Variants in ITGB3BP observed in about 807,000 individuals in gnomAD.
ITGB3BP encodes the protein integrin subunit beta 3 binding protein.
In ITGB3BP, 27 loss-of-function variants were observed where a neutral mutation model predicts 29.1. The ratio of observed to expected loss-of-function variants is 0.93; its 90% CI spans 0.68 to 1.28. ITGB3BP has a LOEUF of 1.28. Ranked by LOEUF, ITGB3BP falls within the 50% of genes most tolerant of loss-of-function variation. The pLI is 0.00. For synonymous variants in ITGB3BP, 61 were observed against 61.4 expected (o/e 0.99, Z 0.03); for missense variants, 192 against 200.2 (o/e 0.96, Z 0.25).
chr1:63,444,390 C>T (rs569536617), intron 8 of ITGB3BP, among the ~76,000 whole-genome samples: 1 of 149,350 alleles, frequency 6.7e-6, no homozygotes, highest in South Asian at 2.1e-4. Context: ...AAATGGTAAC[C>T]TTATAATGAA....
rs116573775 is a variant in ITGB3BP at position 63,516,201 on chromosome 1, T to C, written c.5+6928A>G. On this transcript the variant is annotated intron_variant, in intron 1 of 8. Coordinates refer to ENST00000271002, the MANE Select transcript of ITGB3BP (RefSeq NM_014288.5). Reference sequence around the variant, plus strand: ...ACTTTGGGAGGCTGAGCTGAGCAGATTGCTTGAGTCCAGAGTGAGCCTGGG... The same window carrying C: ...ACTTTGGGAGGCTGAGCTGAGCAGACTGCTTGAGTCCAGAGTGAGCCTGGG... 9.7e-3 allele frequency among the ~76,000 whole-genome samples: 1,443 copies of C among 148,644 alleles called. 22 individuals carry two copies. The highest frequency in any genetic ancestry group is 0.033 in the African/African-American group (1,330 of 40,286).
At chr1:63,441,749 C>A (rs186993729) in intron 8 of ITGB3BP, among the ~76,000 whole-genome samples, 1 of 152,136 alleles carries the variant, frequency 6.6e-6, no homozygotes, top group Non-Finnish European at 1.5e-5. Context: ...AGCTGCCCCC[C>A]GCCCAAAAGA....
intron 4 of ITGB3BP, among the ~76,000 whole-genome samples, chr1:63,462,677 C>T (rs1369840614): frequency 6.6e-6 from 1 of 152,178 alleles, no homozygotes; most frequent in Non-Finnish European, 1.5e-5. Context: ...GGAATATAGG[C>T]TTATATCTTC....
intron 4 of ITGB3BP, among the ~76,000 whole-genome samples, chr1:63,462,239 T>G (rs2100541616): frequency 6.6e-6 from 1 of 152,354 alleles, no homozygotes; most frequent in South Asian, 2.1e-4. Context: ...TTTCAGATGC[T>G]ACTGCAATGG....
chr1:63,476,728 T>A (rs753587317), intron 4 of ITGB3BP, among the ~76,000 whole-genome samples: 1 of 152,216 alleles, frequency 6.6e-6, no homozygotes, highest in Non-Finnish European at 1.5e-5. Flanking sequence ...CCAACAACAT[T>A]TCCTCCTTTG....
intron 3 of ITGB3BP, 21 bp downstream of exon 3, chr1:63,490,062 A>G (rs767492285): frequency 3.1e-6 from 5 of 1,601,240 alleles, no homozygotes. Flanking sequence ...TACAATAAGT[A>G]GAAAAGAATG....
chr1:63,475,838 A>G (rs1448183235), intron 4 of ITGB3BP, among the ~76,000 whole-genome samples: 2 of 151,890 alleles, frequency 1.3e-5, no homozygotes, highest in Non-Finnish European at 2.9e-5. Flanking sequence ...TCTCTACTAA[A>G]AATACAAAAA....
At chr1:63,467,357 TTTC>T (rs1645115231) in intron 4 of ITGB3BP, among the ~76,000 whole-genome samples, 2 of 151,920 alleles carry the variant, frequency 1.3e-5, no homozygotes, top group Admixed American at 1.3e-4. Flanking sequence ...GGGTTTTTTT[TTTC>T]TTTTTTTGAG....
At chr1:63,493,054 T>C (rs1645690072) in intron 2 of ITGB3BP, among the ~76,000 whole-genome samples, 1 of 145,916 alleles carries the variant, frequency 6.9e-6, no homozygotes, top group South Asian at 2.3e-4. Flanking sequence ...GAGGCTGTAG[T>C]GAGCTGTGGA....
chr1:63,473,483 GC>G (rs765423531), intron 4 of ITGB3BP, among the ~76,000 whole-genome samples: 13,864 of 134,052 alleles, frequency 0.1, 678 homozygotes, highest in Middle Eastern at 0.16. Context: ...GGGGGGGTCA[GC>G]CCCCCGCCCG....
At chr1:63,497,414 G>A (rs11808065) in intron 2 of ITGB3BP, among the ~76,000 whole-genome samples, 3,254 of 152,280 alleles carry the variant, frequency 0.021, 123 homozygotes, top group African/African-American at 0.074. Context: ...CCACTGTCCT[G>A]CATTGTTGCA....
intron 4 of ITGB3BP, among the ~76,000 whole-genome samples, chr1:63,476,207 A>G (rs983019374): frequency 2.6e-5 from 4 of 151,222 alleles, no homozygotes; most frequent in Non-Finnish European, 5.9e-5. Context: ...TCTGTCACCC[A>G]GGCTGTAGTA....
intron 1 of ITGB3BP, among the ~76,000 whole-genome samples, chr1:63,510,949 G>T (rs1276472418): frequency 6.6e-6 from 1 of 152,014 alleles, no homozygotes; most frequent in African/African-American, 2.4e-5. Flanking sequence ...GGAAGAATAG[G>T]TAAAATTTGA....
intron 2 of ITGB3BP, among the ~76,000 whole-genome samples, chr1:63,503,042 G>T (rs897611130): frequency 6.6e-6 from 1 of 152,142 alleles, no homozygotes; most frequent in African/African-American, 2.4e-5. Context: ...TAATGGGATT[G>T]CTGGGTCAAA....
At chr1:63,465,414 C>T (rs914223035) in intron 4 of ITGB3BP, among the ~76,000 whole-genome samples, 8 of 151,632 alleles carry the variant, frequency 5.3e-5, no homozygotes, top group Middle Eastern at 6.8e-3. Context: ...ATATTTTACC[C>T]GTGGGATTTT....
intron 4 of ITGB3BP, among the ~76,000 whole-genome samples, chr1:63,473,249 G>C (rs1041592333): frequency 6.7e-6 from 1 of 148,780 alleles, no homozygotes; most frequent in Admixed American, 6.6e-5. Context: ...CAACCGCCCC[G>C]TCTGAGAAGT....
chr1:63,507,448 A>C (rs1646105795), intron 2 of ITGB3BP, among the ~76,000 whole-genome samples: 2 of 152,236 alleles, frequency 1.3e-5, no homozygotes, highest in South Asian at 4.1e-4. Flanking sequence ...TTTTCCATTT[A>C]AACAATGTTA....
intron 1 of ITGB3BP, among the ~76,000 whole-genome samples, chr1:63,517,531 T>C (rs2075030664): frequency 1.3e-5 from 2 of 152,154 alleles, no homozygotes; most frequent in African/African-American, 4.8e-5. Flanking sequence ...TTTTATGTAA[T>C]TATAAATGAA....
intron 2 of ITGB3BP, among the ~76,000 whole-genome samples, chr1:63,495,334 C>A (rs1570263313): frequency 6.6e-6 from 1 of 151,848 alleles, no homozygotes; most frequent in Non-Finnish European, 1.5e-5. Flanking sequence ...AAAATATGAA[C>A]CAAAAACAGT....
Sources: allele counts gnomAD v4.1 joint callset (sites outside exome capture counted in the v4.1 genomes callset), GRCh38; gene constraint gnomAD v4.1.1; transcripts MANE v1.5; gene names NCBI Gene and HGNC (gene_info 2026-07-23, HGNC 2026-07-21).